VCAN: variants seen among roughly 807,000 people sequenced by gnomAD.
VCAN encodes versican core protein.
A neutral mutation model predicts 245.5 loss-of-function variants in VCAN; 44 were observed. The observed-to-expected ratio is 0.18, with a 90% CI of 0.14 to 0.23. The LOEUF (loss-of-function observed/expected upper bound fraction) is 0.23. Ranked by LOEUF, VCAN falls within the 10% of genes least tolerant of loss-of-function variation. VCAN has a pLI of 1.00. For missense variants in VCAN, 3,793 were observed against 4,057.9 expected (o/e 0.93, Z 1.77); for synonymous variants, 1,413 against 1,437.0 (o/e 0.98, Z 0.38).
Position 83,501,604 on chromosome 5 carries a change from G to T in VCAN, c.748+7673G>T, listed in dbSNP as rs374181272. Among the ~76,000 whole-genome samples, 3 of 152,234 alleles carry T rather than the reference G, an allele frequency of 2.0e-5. No individual in the cohort carries two copies. The South Asian group carries it at 6.2e-4, about 32-fold the overall frequency. On this transcript the variant is annotated intron_variant, in intron 5 of 14. Coordinates refer to ENST00000265077, the MANE Select transcript of VCAN (RefSeq NM_004385.5). ...GTTGAAAATCAATTGACCATAGGTA[G>T]ATGCATTTATTTCTAGACTCTCAAT...
intron 2 of VCAN, among the ~76,000 whole-genome samples, chr5:83,485,207 A>G (rs1402992777): frequency 6.6e-6 from 1 of 152,160 alleles, no homozygotes; most frequent in Non-Finnish European, 1.5e-5. Context: ...AGATGAACCA[A>G]TTCATAGGAG....
At chr5:83,531,523 A>G (rs1746519863) in intron 7 of VCAN, 1 of 152,178 alleles carries the variant, frequency 6.6e-6, no homozygotes, top group South Asian at 2.1e-4. Flanking sequence ...TGTCTATTGT[A>G]TTTTTTAAAT....
At chr5:83,567,723 C>T (rs942340682) in intron 12 of VCAN, among the ~76,000 whole-genome samples, 6 of 152,154 alleles carry the variant, frequency 3.9e-5, no homozygotes, top group Non-Finnish European at 5.9e-5. Context: ...AGGCAACAAG[C>T]GTTTGAGGTG....
rs1444466532 is a variant in VCAN at position 83,538,242 on chromosome 5, T to A, written c.5239T>A (p.Ser1747Thr). 1 of 1,613,942 alleles carries A rather than the reference T, an allele frequency of 6.2e-7. No homozygotes were observed. Among genetic ancestry groups the A allele is most frequent in the Non-Finnish European group, 8.5e-7 (1 of 1,179,962 alleles). ...TFEVYSSTQR[S>T]DQLILPFELE... is the part of the protein sequence containing the mutation. ...TGAGGTATATTCATCTACACAGAGA[T>A]CGGATCAATTAATTTTACCCTTTGA... The change falls in exon 8 of 15, where the codon TCG becomes ACG. Residue 1747 changes from serine (S) to threonine (T), a missense_variant. Ser to Thr is a moderately conservative substitution (Grantham distance 58). This residue lies in a region of VCAN where 3,182 missense variants were observed against 3,250.3 expected (regional missense o/e 0.98). Transcript: ENST00000265077.
intron 6 of VCAN, among the ~76,000 whole-genome samples, chr5:83,515,971 G>C (rs901347354): frequency 6.6e-6 from 1 of 152,254 alleles, no homozygotes; most frequent in East Asian, 1.9e-4. Context: ...GGTCGCTCAC[G>C]CCTGTAATCC....
chr5:83,513,900 C>T (rs1190699163), intron 6 of VCAN, among the ~76,000 whole-genome samples: 1 of 152,084 alleles, frequency 6.6e-6, no homozygotes, highest in African/African-American at 2.4e-5. Flanking sequence ...ATAGAATTAT[C>T]CAGCCTGACT....
rs111324082 is a variant in VCAN at position 83,573,009 on chromosome 5, C to T, written c.9880+449C>T. On this transcript the variant is annotated intron_variant, in intron 13 of 14. Coordinates refer to ENST00000265077, the MANE Select transcript of VCAN (RefSeq NM_004385.5). Reference sequence around the variant, plus strand: ...TCCGCCTCTGGGTTCAAGCAATTCTCCTGCCTCAGCCTCCCAAGTAGCTGG... The same window carrying T: ...TCCGCCTCTGGGTTCAAGCAATTCTTCTGCCTCAGCCTCCCAAGTAGCTGG... Among the ~76,000 whole-genome samples, 569 of 151,854 alleles carry T rather than the reference C, an allele frequency of 3.7e-3. 2 individuals carry two copies. The highest frequency in any genetic ancestry group is 0.013 in the African/African-American group (537 of 41,424).
At chr5:83,565,392 T>G (rs1169154704) in intron 12 of VCAN, among the ~76,000 whole-genome samples, 8 of 8,190 alleles carry the variant, frequency 9.8e-4, no homozygotes, top group Non-Finnish European at 2.0e-3. Context: ...TGTGTAAGGG[T>G]GTGTGTGTGT....
At chr5:83,478,036 A>C (rs999429211) in intron 1 of VCAN, among the ~76,000 whole-genome samples, 2 of 149,644 alleles carry the variant, frequency 1.3e-5, no homozygotes. Context: ...TCCGCCTTCC[A>C]GGTTCAAGCA....
intron 7 of VCAN, among the ~76,000 whole-genome samples, chr5:83,524,727 T>G (rs527358845): frequency 6.6e-6 from 1 of 152,114 alleles, no homozygotes; most frequent in Non-Finnish European, 1.5e-5. Context: ...TATGAGAAAT[T>G]TTATCCTCCA....
intron 3 of VCAN, among the ~76,000 whole-genome samples, chr5:83,492,654 C>A (rs1745019781): frequency 6.6e-6 from 1 of 152,112 alleles, no homozygotes; most frequent in African/African-American, 2.4e-5. Context: ...TTTATACCAC[C>A]CCTAAAATAC....
At chr5:83,501,085 T>C (rs1303301799) in intron 5 of VCAN, among the ~76,000 whole-genome samples, 1 of 152,236 alleles carries the variant, frequency 6.6e-6, no homozygotes, top group African/African-American at 2.4e-5. Flanking sequence ...TTTTATGTGC[T>C]TGCTAGTTAT....
chr5:83,520,875 A>T lies in VCAN; in HGVS notation c.2569A>T (p.Ile857Phe), dbSNP rs778560808. ...AGATGGAGCAGATGAATTTACTCTT[A>T]TTCCAGATAGTACTCAAAAGCAGTT... ...TEDGADEFTL[I>F]PDSTQKQLEE... is the part of the protein sequence containing the mutation. Residue 857 changes from isoleucine (I) to phenylalanine (F), a missense_variant, in exon 7 of 15, where the codon ATT becomes TTT. Transcript: ENST00000265077. The T allele has an allele frequency of 1.9e-6, 3 of 1,614,202 alleles. No homozygotes were observed. Among genetic ancestry groups the T allele is most frequent in the Non-Finnish European group, 2.5e-6 (3 of 1,180,010 alleles).
At position 83,537,521 on chromosome 5, in the gene VCAN, C is replaced by A; in HGVS notation, c.4518C>A (p.Phe1506Leu). 6.2e-7 allele frequency: 1 copy of A among 1,613,884 alleles called. No homozygotes were observed. Among genetic ancestry groups the A allele is most frequent in the Non-Finnish European group, 8.5e-7 (1 of 1,179,944 alleles). Residue 1506 changes from phenylalanine to leucine, a missense_variant, in exon 8 of 15, where the codon TTC (phenylalanine) becomes TTA (leucine). Physicochemically the swap from Phe to Leu is conservative, Grantham distance 22. Coordinates refer to ENST00000265077, the MANE Select transcript of VCAN (RefSeq NM_004385.5). ...GEPDVFPTVPFHEEFESGTAK... is the reference protein window; with the variant it reads ...GEPDVFPTVPLHEEFESGTAK... ...CTGATGTTTTCCCCACAGTCCCATT[C>A]CATGAGGAATTTGAAAGTGGAACAG...
rs539107992 is a variant in VCAN, at chr5:83,580,812, A to G, written c.*378A>G. Reference sequence around the variant, plus strand: ...ATGTTGATTTTAATCCTGTATATAAAATAAAAAGTCACAATGAGTTTGGGC... The same window carrying G: ...ATGTTGATTTTAATCCTGTATATAAGATAAAAAGTCACAATGAGTTTGGGC... On this transcript the variant is annotated 3_prime_UTR_variant, in exon 15 of 15. Transcript: ENST00000265077. The G allele has an allele frequency of 3.3e-6, 1 of 304,308 alleles. No homozygotes were observed. The highest frequency in any genetic ancestry group is 8.2e-5 in the East Asian group (1 of 12,176). 18.9% of individuals were successfully genotyped at this position (304,308 alleles called of 1,614,324 possible).
chr5:83,553,606 T>C (rs1377514643), intron 11 of VCAN, 84 bp downstream of exon 11: 1 of 1,571,166 alleles, frequency 6.4e-7, no homozygotes, highest in Non-Finnish European at 8.7e-7. Context: ...TGAAAAGAAG[T>C]AGCTTTTTCA....
intron 12 of VCAN, among the ~76,000 whole-genome samples, chr5:83,564,480 A>G (rs759564978): frequency 2.0e-5 from 3 of 152,200 alleles, no homozygotes; most frequent in Non-Finnish European, 2.9e-5. Context: ...TAAATGTGAA[A>G]TGAGAGGATT....
In VCAN at chr5:83,512,086, C is replaced by G; in HGVS notation, c.749-17C>G. On this transcript the variant is annotated splice_polypyrimidine_tract_variant and intron_variant, in intron 5 of 14. Coordinates refer to ENST00000265077, the MANE Select transcript of VCAN (RefSeq NM_004385.5). ...ATAATAAAACTTTGGGCTTTTTTTC[C>G]CTTCTTTTTTTTCCAGGTGATGTGT... 8 of 1,613,612 alleles carry G rather than the reference C, an allele frequency of 5.0e-6. No individual in the cohort carries two copies. The highest frequency in any genetic ancestry group is 5.9e-6 in the Non-Finnish European group (7 of 1,179,906).
chr5:83,564,679 ATG>A (rs750654539), intron 12 of VCAN, among the ~76,000 whole-genome samples: 37 of 140,436 alleles, frequency 2.6e-4, no homozygotes, highest in South Asian at 8.0e-4. Flanking sequence ...GGTTTTTTAG[ATG>A]TTTTTTTTTT....
Sources: allele counts gnomAD v4.1 joint callset (sites outside exome capture counted in the v4.1 genomes callset), GRCh38; gene constraint gnomAD v4.1.1; regional missense constraint gnomAD v4.1.1; transcripts MANE v1.5; gene names NCBI Gene and HGNC (gene_info 2026-07-23, HGNC 2026-07-21).